Variants in VSX1 observed in about 807,000 individuals in gnomAD.
VSX1 encodes visual system homeobox 1.
VSX1 carries 23 observed loss-of-function variants against 23.6 expected under a neutral mutation model. That is an observed-to-expected ratio of 0.97 (90% CI 0.70 to 1.38). The LOEUF (loss-of-function observed/expected upper bound fraction) is 1.38. VSX1 is among the 40% of genes most tolerant of loss of function. The pLI, the probability that VSX1 is intolerant of heterozygous loss-of-function variation, is 0.00. For missense variants in VSX1, 517 were observed against 495.4 expected (o/e 1.04, Z -0.41); for synonymous variants, 247 against 215.1 (o/e 1.15, Z -1.30).
rs2089495231 is a variant in VSX1 at position 25,076,521 on chromosome 20, T to G, written c.838A>C (p.Arg280=). The change falls in exon 5 of 5, where the codon AGG becomes CGG. Residue 280 remains arginine (R), a synonymous_variant. Transcript: ENST00000376709. ...GMHKKSMGMI[R]KPGSEDKLAG... is the part of the protein sequence containing the mutation. ...AACTTATCTTCACTTCCTGGCTTCCTTATCATCCCCATGGATTTTTTATGC... is the reference window on the plus strand; with the variant it reads ...AACTTATCTTCACTTCCTGGCTTCCGTATCATCCCCATGGATTTTTTATGC... 1 of 1,612,692 alleles carries G rather than the reference T, an allele frequency of 6.2e-7. No individual in the cohort carries two copies. Among genetic ancestry groups the G allele is most frequent in the Non-Finnish European group, 8.5e-7 (1 of 1,179,688 alleles).
At chr20:25,078,275 G>A (rs1322983365) in intron 3 of VSX1, among the ~76,000 whole-genome samples, 1 of 152,236 alleles carries the variant, frequency 6.6e-6, no homozygotes, top group Non-Finnish European at 1.5e-5. Flanking sequence ...AGGCTATTGG[G>A]TTGCTGGTGA....
At chr20:25,071,136 A>G (rs1197472280), downstream of VSX1, 2 of 454,028 alleles carry the variant, frequency 4.4e-6, no homozygotes, top group Non-Finnish European at 8.8e-6. Context: ...GGTCAGTAAG[A>G]GGAATCAGGG....
At chr20:25,079,408 AG>A in intron 2 of VSX1, 27 bp downstream of exon 2, 1 of 1,599,204 alleles carries the variant, frequency 6.3e-7, no homozygotes. Flanking sequence ...GAGGAAAGGC[AG>A]GCAGAGGGGA....
chr20:25,072,005 A>T (rs1265355228), downstream of VSX1: 4 of 623,190 alleles, frequency 6.4e-6, no homozygotes, highest in East Asian at 1.1e-4. Context: ...AGCCTCCAGG[A>T]GCAGAAGTTT....
chr20:25,079,287 C>A, intron 2 of VSX1, 149 bp downstream of exon 2: 1 of 762,994 alleles, frequency 1.3e-6, no homozygotes, highest in Non-Finnish European at 2.1e-6. Context: ...AATTATCTTC[C>A]CAAATGGCTT....
chr20:25,077,964 C>G, intron 3 of VSX1, 99 bp from the exon 4 acceptor site: 1 of 1,403,608 alleles, frequency 7.1e-7, no homozygotes, highest in Non-Finnish European at 9.8e-7. Flanking sequence ...GATCTTCTCT[C>G]CCGAGCATGA....
downstream of VSX1, chr20:25,071,410 T>C (rs1261652613): frequency 2.2e-6 from 1 of 453,688 alleles, no homozygotes; most frequent in Non-Finnish European, 4.4e-6. Flanking sequence ...AGTTAGAGGT[T>C]GCGGTGAGCT....
downstream of VSX1, chr20:25,071,200 G>C (rs1293553675): frequency 2.2e-6 from 1 of 453,026 alleles, no homozygotes; most frequent in Admixed American, 2.4e-5. Flanking sequence ...AACTCACATG[G>C]GTGCCAAGCT....
rs775374725 is a variant in VSX1, at chr20:25,076,362, G to T, written c.997C>A (p.Arg333=). 6.2e-7 allele frequency: 1 copy of T among 1,614,078 alleles called. No individual in the cohort carries two copies. Among genetic ancestry groups the T allele is most frequent in the Non-Finnish European group, 8.5e-7 (1 of 1,179,998 alleles). Residue 333 remains arginine (R), a synonymous_variant, in exon 5 of 5, where the codon CGG becomes AGG. Coordinates refer to ENST00000376709, the MANE Select transcript of VSX1 (RefSeq NM_014588.6). ...GGGTGCACTTTCTTGGTCTCCTGCC[G>T]GGCAGAGCTGGAGAGGTCAATAGCC... is the stretch of plus-strand genomic sequence containing the variant. ...DVAIDLSSSA[R]QETKKVHPGA...
Position 25,081,713 on chromosome 20 carries a change from C to G in VSX1, c.384G>C (p.Ala128=). Residue 128 remains alanine (A), a synonymous_variant, in exon 1 of 5, where the codon GCG becomes GCC. Transcript: ENST00000376709. ...APLAPSRPPP[A]LGRQKRSDSV... ...TGTCGCTGCGCTTCTGGCGGCCGAG[C>G]GCAGGCGGCGGACGGCTGGGAGCCA... The G allele has an allele frequency of 2.7e-6, 4 of 1,501,958 alleles. No homozygotes were observed. Among genetic ancestry groups the G allele is most frequent in the African/African-American group, 2.9e-5 (2 of 69,970 alleles). The allele number at this position is 1,501,958 out of a possible 1,614,324, so 93.0% of individuals were successfully genotyped here. A position where few individuals can be genotyped will look rare whatever the true frequency, so the allele number is the denominator to read the frequency against.
At chr20:25,071,598 G>C (rs762114049), downstream of VSX1, 1 of 503,062 alleles carries the variant, frequency 2.0e-6, no homozygotes, top group Admixed American at 2.3e-5. Flanking sequence ...GCAGTTCCGA[G>C]TGATAGACAA....
At position 25,081,904 on chromosome 20, in the gene VSX1, C is replaced by G. The variant is rs1288044371; in HGVS notation, c.193G>C (p.Gly65Arg). The change falls in exon 1 of 5, where the codon GGC (glycine) becomes CGC (arginine). Residue 65 changes from glycine (G) to arginine (R), a missense_variant. Transcript: ENST00000376709. Reference sequence around the variant, plus strand: ...AGGCTGGAGCCGTCAAGCCCCGGGCCCGGGCACGGCGCGACTGCCGGACCC... The same window carrying G: ...AGGCTGGAGCCGTCAAGCCCCGGGCGCGGGCACGGCGCGACTGCCGGACCC... Reference protein sequence around the residue: ...CEGPAVAPCPGPGLDGSSLAR... With the variant: ...CEGPAVAPCPRPGLDGSSLAR... The G allele has an allele frequency of 6.5e-7, 1 of 1,528,654 alleles. No homozygotes were observed. Among genetic ancestry groups the G allele is most frequent in the Non-Finnish European group, 8.7e-7 (1 of 1,144,192 alleles). 94.7% of individuals were successfully genotyped at this position (1,528,654 alleles called of 1,614,324 possible). A position where few individuals can be genotyped will look rare whatever the true frequency, so the allele number is the denominator to read the frequency against.
In VSX1 at chr20:25,077,834, C is replaced by T; in HGVS notation, c.659G>A (p.Arg220His). 4 of 1,551,876 alleles carry T rather than the reference C, an allele frequency of 2.6e-6. 1 individual carries two copies. Among genetic ancestry groups the T allele is most frequent in the African/African-American group, 2.7e-5 (2 of 73,264 alleles). Residue 220 changes from arginine (R) to histidine (H), a missense_variant, in exon 4 of 5, where the codon CGC (arginine) becomes CAC (histidine). Coordinates refer to ENST00000376709, the MANE Select transcript of VSX1 (RefSeq NM_014588.6). ...VWFQNRRAKWRKREKRWGGSS... is the reference protein window; with the variant it reads ...VWFQNRRAKWHKREKRWGGSS... The stretch of plus-strand genomic sequence containing the variant: ...GCCGCCCCAGCGCTTCTCCCGCTTG[C>T]GCCATTTGGCCCTGCGGTTTTGAAA...
At position 25,076,124 on chromosome 20, in the gene VSX1, G is replaced by GT. The variant is rs1467902615; in HGVS notation, c.*136dup. On this transcript the variant is annotated 3_prime_UTR_variant, in exon 5 of 5. Coordinates refer to ENST00000376709, the MANE Select transcript of VSX1 (RefSeq NM_014588.6). ...TCACTCATCTGTCCTCTTAAAGCAAGTGGCATTGCATTTTATCTTGACATT... is the reference window on the plus strand; with the variant it reads ...TCACTCATCTGTCCTCTTAAAGCAAGTTGGCATTGCATTTTATCTTGACATT... 1 of 1,242,400 alleles carries GT rather than the reference G, an allele frequency of 8.0e-7. No homozygotes were observed. The highest frequency in any genetic ancestry group is 1.3e-5 in the South Asian group (1 of 77,306). 77.0% of individuals were successfully genotyped at this position (1,242,400 alleles called of 1,614,324 possible).
intron 1 of VSX1, 95 bp from the exon 2 acceptor site, chr20:25,079,609 G>A (rs1221690227): frequency 7.5e-7 from 1 of 1,341,424 alleles, no homozygotes; most frequent in Non-Finnish European, 1.0e-6. Context: ...TGAACCTCTT[G>A]GGTACTTAAG....
intron 2 of VSX1, 33 bp downstream of exon 2, chr20:25,079,403 A>G: frequency 6.3e-7 from 1 of 1,593,812 alleles, no homozygotes; most frequent in African/African-American, 1.3e-5. Context: ...GTCCCGAGGA[A>G]AGGCAGGCAG....
In VSX1 at chr20:25,081,807, C is replaced by A. The variant is rs2089651963; in HGVS notation, c.290G>T (p.Arg97Leu). ...GTCCGCTAGGAGCAGGCAGGGTGCT[C>A]GAGCGGCCGCCGGCGGCTGCGTGCC... ...GFGTQPPAAA[R>L]APCLLLADVP... is the part of the protein sequence containing the mutation. Residue 97 changes from arginine to leucine, a missense_variant, in exon 1 of 5, where the codon CGA (arginine) becomes CTA (leucine). Physicochemically the swap from Arg to Leu is moderately radical, Grantham distance 102. Transcript: ENST00000376709. The A allele has an allele frequency of 2.0e-6, 3 of 1,502,912 alleles. No individual in the cohort carries two copies. The highest frequency in any genetic ancestry group is 2.1e-5 in the Admixed American group (1 of 46,678). The allele number at this position is 1,502,912 out of a possible 1,614,324, so 93.1% of individuals were successfully genotyped here. A position where few individuals can be genotyped will look rare whatever the true frequency, so the allele number is the denominator to read the frequency against.
In VSX1 at chr20:25,078,537, G is replaced by A. The variant is rs924703853; in HGVS notation, c.627+292C>T. On this transcript the variant is annotated intron_variant, in intron 3 of 4. Coordinates refer to ENST00000376709, the MANE Select transcript of VSX1 (RefSeq NM_014588.6). The stretch of plus-strand genomic sequence containing the variant: ...GATTTCTTTCAGGGTTTGAGATGGA[G>A]AGGTAGTCTCTTTTTTTTTTTTTTC... 2.4e-5 allele frequency: 32 copies of A among 1,349,618 alleles called. No homozygotes were observed. The East Asian group carries it at 5.3e-4, about 22-fold the overall frequency. The allele number at this position is 1,349,618 out of a possible 1,614,324, so 83.6% of individuals were successfully genotyped here.
intron 1 of VSX1, among the ~76,000 whole-genome samples, chr20:25,080,360 A>T (rs1291686177): frequency 2.6e-5 from 4 of 152,232 alleles, no homozygotes; most frequent in Admixed American, 1.3e-4. Context: ...GGGCTGTCCA[A>T]CCTGATGAGA....
Sources: allele counts gnomAD v4.1 joint callset (sites outside exome capture counted in the v4.1 genomes callset), GRCh38; gene constraint gnomAD v4.1.1; transcripts MANE v1.5; gene names NCBI Gene and HGNC (gene_info 2026-07-23, HGNC 2026-07-21).